The following CD99L2 variants were observed in gnomAD, a reference collection of about 807,000 sequenced individuals.
CD99L2 encodes CD99 molecule like 2, also known as CD99 antigen-like protein 2.
Under a neutral mutation model 27.3 loss-of-function variants are expected in CD99L2, and 24 were observed. That is an observed-to-expected ratio of 0.88 (90% confidence interval 0.64 to 1.24). The LOEUF is 1.24. Among genes scored for constraint, CD99L2 ranks in the 50% most tolerant of loss-of-function variants. CD99L2 has a pLI of 0.00. For missense variants in CD99L2, 255 were observed against 221.6 expected (o/e 1.15, Z -0.96); for synonymous variants, 97 against 87.9 (o/e 1.10, Z -0.58).
chrX:150,775,928 G>A (rs1308537402), intron 9 of CD99L2, among the ~76,000 whole-genome samples: 1 of 112,330 alleles, frequency 8.9e-6, no homozygotes. Flanking sequence ...CCTGGGAGCT[G>A]GGGCCCTGGA....
At chrX:150,864,495 T>C (rs1484921743) in intron 1 of CD99L2, among the ~76,000 whole-genome samples, 3 of 112,435 alleles carry the variant, frequency 2.7e-5, no homozygotes, top group Non-Finnish European at 5.6e-5. Flanking sequence ...GCAGTCATCC[T>C]AGAAGCCACC....
At chrX:150,798,504 C>T (rs1375727096) in intron 4 of CD99L2, among the ~76,000 whole-genome samples, 4 of 110,365 alleles carry the variant, frequency 3.6e-5, no homozygotes, top group Admixed American at 2.9e-4. Flanking sequence ...GACTTCGGAC[C>T]CTGACCTATA....
At chrX:150,890,618 G>A (rs183783848) in intron 1 of CD99L2, among the ~76,000 whole-genome samples, 4 of 90,096 alleles carry the variant, frequency 4.4e-5, no homozygotes, top group Admixed American at 1.3e-4. Context: ...CCACACCCCC[G>A]CCCCCACCTT....
intron 7 of CD99L2, among the ~76,000 whole-genome samples, chrX:150,779,473 A>T (rs1432743623): frequency 1.8e-5 from 2 of 112,660 alleles, no homozygotes; most frequent in Non-Finnish European, 3.7e-5. Context: ...ACAGCCAGTC[A>T]TCTTAGATCC....
At chrX:150,828,318 A>G (rs1179419650) in intron 2 of CD99L2, 3 of 111,668 alleles carry the variant, frequency 2.7e-5, no homozygotes, top group Admixed American at 1.9e-4. Flanking sequence ...TGTTCCAAGG[A>G]CTGTGCTGAG....
intron 7 of CD99L2, among the ~76,000 whole-genome samples, chrX:150,786,216 G>T (rs1422468326): frequency 4.7e-5 from 5 of 106,585 alleles, no homozygotes; most frequent in East Asian, 5.8e-4. Context: ...AATGATTTTG[G>T]TTTTTTTTTT....
intron 4 of CD99L2, among the ~76,000 whole-genome samples, chrX:150,813,914 C>T (rs1557420402): frequency 8.9e-6 from 1 of 112,179 alleles, no homozygotes; most frequent in African/African-American, 3.2e-5. Context: ...AAGAAACCCA[C>T]TCATGGTATT....
intron 2 of CD99L2, 56 bp downstream of exon 2, chrX:150,831,175 G>T: frequency 1.1e-6 from 1 of 914,197 alleles, no homozygotes; most frequent in Non-Finnish European, 1.6e-6. Flanking sequence ...CTGAGTGGAT[G>T]ATACACATTA....
At chrX:150,774,073 A>G (rs2043508374) in intron 9 of CD99L2, among the ~76,000 whole-genome samples, 2 of 111,848 alleles carry the variant, frequency 1.8e-5, no homozygotes, top group African/African-American at 6.5e-5. Context: ...GCCAGCCACC[A>G]GGACCTCCCC....
At chrX:150,874,234 T>C (rs927679676) in intron 1 of CD99L2, among the ~76,000 whole-genome samples, 1 of 112,075 alleles carries the variant, frequency 8.9e-6, no homozygotes, top group Non-Finnish European at 1.9e-5. Context: ...AGGGAGTAGG[T>C]AGCATTGGAG....
chrX:150,841,441 C>A (rs1486394121), intron 1 of CD99L2, among the ~76,000 whole-genome samples: 2 of 111,622 alleles, frequency 1.8e-5, no homozygotes, highest in Admixed American at 9.5e-5. Flanking sequence ...AATTTAAACT[C>A]TTTTCTGCCT....
rs146170003 is a variant in CD99L2, at chrX:150,867,035, C to T, written c.67+31487G>A. On this transcript the variant is annotated intron_variant, in intron 1 of 10. Transcript: ENST00000370377. Reference sequence around the variant, plus strand: ...TGTTTTTTTTGTTTTCTAGTTTTTCCAAATGTGCAAAAACTTTCCTAATTA... The same window carrying T: ...TGTTTTTTTTGTTTTCTAGTTTTTCTAAATGTGCAAAAACTTTCCTAATTA... 5.1e-3 allele frequency among the ~76,000 whole-genome samples: 566 copies of T among 110,863 alleles called. 7 individuals carry two copies. The highest frequency in any genetic ancestry group is 9.5e-3 in the Middle Eastern group (2 of 210).
chrX:150,854,904 C>G (rs1441194095), intron 1 of CD99L2, among the ~76,000 whole-genome samples: 1 of 110,544 alleles, frequency 9.0e-6, no homozygotes, highest in East Asian at 2.8e-4. Context: ...GCCTGCTGCC[C>G]CCCCTCCCCC....
intron 4 of CD99L2, among the ~76,000 whole-genome samples, chrX:150,804,244 T>C (rs1797255219): frequency 8.9e-6 from 1 of 112,112 alleles, no homozygotes; most frequent in South Asian, 3.7e-4. Flanking sequence ...AACTAGAAGT[T>C]TGAACAGAGA....
chrX:150,871,429 C>G (rs1569566131), intron 1 of CD99L2, among the ~76,000 whole-genome samples: 1 of 111,699 alleles, frequency 9.0e-6, no homozygotes, highest in South Asian at 3.7e-4. Context: ...CAGATTCAGA[C>G]TGAAGGTTGA....
intron 1 of CD99L2, among the ~76,000 whole-genome samples, chrX:150,882,223 G>A (rs1569566150): frequency 9.0e-6 from 1 of 111,417 alleles, no homozygotes; most frequent in African/African-American, 3.3e-5. Context: ...ATGGCTCCAC[G>A]TGCCCTTCAG....
intron 1 of CD99L2, among the ~76,000 whole-genome samples, chrX:150,872,332 TTC>T (rs1325001680): frequency 1.8e-5 from 2 of 109,606 alleles, no homozygotes; most frequent in African/African-American, 6.6e-5. Flanking sequence ...ACAGAAAATG[TTC>T]TGTCTTGATA....
chrX:150,865,995 C>G (rs181589233), intron 1 of CD99L2, among the ~76,000 whole-genome samples: 181 of 111,450 alleles, frequency 1.6e-3, no homozygotes, highest in African/African-American at 5.6e-3. Context: ...GTGATGCACT[C>G]CTGTAGTCCG....
chrX:150,769,704 C>G (rs1320316625), intron 10 of CD99L2, among the ~76,000 whole-genome samples: 3 of 78,765 alleles, frequency 3.8e-5, no homozygotes, highest in Non-Finnish European at 5.8e-5. Context: ...GGCTGCTCCC[C>G]GACCCCAGCA....
Sources: gnomAD v4.1 joint callset for allele counts (sites outside exome capture counted in the v4.1 genomes callset) on GRCh38, gnomAD v4.1.1 for gene constraint, MANE v1.5 for transcripts, NCBI Gene and HGNC (gene_info 2026-07-23, HGNC 2026-07-21) for gene names.